The following DUSP29 variants were observed in gnomAD, a reference collection of about 807,000 sequenced individuals.
DUSP29 encodes dual specificity phosphatase 29.
In DUSP29, 12 loss-of-function variants were observed where a neutral mutation model predicts 13.5. The observed-to-expected ratio is 0.89, with a 90% CI of 0.57 to 1.44. DUSP29 has a LOEUF of 1.44. DUSP29 is among the 40% of genes most tolerant of loss of function. DUSP29 has a pLI of 0.00. For missense variants in DUSP29, 308 were observed against 301.1 expected (o/e 1.02, Z -0.17); for synonymous variants, 134 against 128.7 (o/e 1.04, Z -0.28).
chr10:75,058,648 GGAAA>G (rs1847020457), intron 1 of DUSP29, 100 bp from the exon 2 acceptor site: 3 of 1,070,830 alleles, frequency 2.8e-6, no homozygotes, highest in Non-Finnish European at 4.0e-6. Flanking sequence ...CTTAAAATTT[GGAAA>G]GAGTTTCCCC....
At chr10:75,060,689 G>A (rs1382700296) in intron 1 of DUSP29, among the ~76,000 whole-genome samples, 1 of 152,174 alleles carries the variant, frequency 6.6e-6, no homozygotes. Flanking sequence ...ACCACCTGAT[G>A]AGTTGCTGCA....
intron 2 of DUSP29, among the ~76,000 whole-genome samples, chr10:75,057,244 G>A (rs1846980913): frequency 6.6e-6 from 1 of 151,844 alleles, no homozygotes; most frequent in South Asian, 2.1e-4. Context: ...ACTCCAACCT[G>A]CACTTCAACG....
chr10:75,058,230 A>T, intron 2 of DUSP29, 85 bp downstream of exon 2: 2 of 1,478,182 alleles, frequency 1.4e-6, no homozygotes, highest in Non-Finnish European at 1.8e-6. Flanking sequence ...CAAATTCCAA[A>T]GCCCATGGCT....
intron 3 of DUSP29, among the ~76,000 whole-genome samples, chr10:75,039,645 C>G (rs1846544475): frequency 1.3e-5 from 2 of 152,190 alleles, no homozygotes; most frequent in South Asian, 4.2e-4. Context: ...CCACGCTCCG[C>G]CCCGCAGCCA....
intron 2 of DUSP29, among the ~76,000 whole-genome samples, chr10:75,058,038 A>G (rs535820452): frequency 2.0e-5 from 3 of 152,340 alleles, no homozygotes; most frequent in Admixed American, 2.0e-4. Flanking sequence ...ACAGTGGCGC[A>G]GAAACACAGG....
chr10:75,072,532 G>A (rs1160841541), intron 1 of DUSP29, among the ~76,000 whole-genome samples: 1 of 152,044 alleles, frequency 6.6e-6, no homozygotes, highest in Non-Finnish European at 1.5e-5. Flanking sequence ...CAGCTCAGAA[G>A]CCCTTCAAGT....
chr10:75,049,349 A>T (rs564315354), intron 2 of DUSP29, among the ~76,000 whole-genome samples: 2 of 152,326 alleles, frequency 1.3e-5, no homozygotes, highest in South Asian at 4.1e-4. Flanking sequence ...TGAAGAGAAG[A>T]GAGTACCCAG....
intron 3 of DUSP29, among the ~76,000 whole-genome samples, chr10:75,038,301 G>T (rs1158741470): frequency 2.0e-5 from 3 of 152,176 alleles, no homozygotes; most frequent in African/African-American, 4.8e-5. Context: ...AGCACAATTT[G>T]TTTGTGCTAA....
chr10:75,058,217 C>T, intron 2 of DUSP29, 98 bp downstream of exon 2: 1 of 1,420,782 alleles, frequency 7.0e-7, no homozygotes, highest in South Asian at 1.4e-5. Flanking sequence ...CACAGAACGA[C>T]TACAAATTCC....
rs749281095 is a variant in DUSP29, at chr10:75,058,411, G to T, written c.104C>A (p.Thr35Asn). 7.4e-6 allele frequency: 12 copies of T among 1,614,228 alleles called. No homozygotes were observed. In the South Asian group the frequency reaches 7.7e-5, roughly 10 times the overall value. Residue 35 changes from threonine to asparagine, a missense_variant, in exon 2 of 4, where the codon ACC (threonine) becomes AAC (asparagine). Coordinates refer to ENST00000338487, the MANE Select transcript of DUSP29 (RefSeq NM_001003892.3). The stretch of plus-strand genomic sequence containing the variant: ...CCGCTCCAGCTCAAAGGCTCCAGGG[G>T]TGCAGTAGTCCTCCTCCTCCCCTTC... ...EEEGEEEDYC[T>N]PGAFELERLF...
chr10:75,073,194 T>C (rs1038329446), intron 1 of DUSP29, among the ~76,000 whole-genome samples: 1 of 151,162 alleles, frequency 6.6e-6, no homozygotes, highest in East Asian at 1.9e-4. Context: ...CTCCAGGGCC[T>C]CTCTCTCTCT....
intron 2 of DUSP29, among the ~76,000 whole-genome samples, chr10:75,053,883 C>CATTTGTAAAATGGGAATAAT (rs1349180341): frequency 3.9e-5 from 6 of 152,066 alleles, no homozygotes; most frequent in African/African-American, 1.4e-4. Context: ...GTGACTTGTC[C>CATTTGTAAAATGGGAATAAT]ATTTGTAAAA....
intron 2 of DUSP29, among the ~76,000 whole-genome samples, chr10:75,053,956 C>T (rs1846900711): frequency 6.6e-6 from 1 of 152,112 alleles, no homozygotes; most frequent in Admixed American, 6.5e-5. Flanking sequence ...TAAATGATGC[C>T]TAGCACAAGG....
At chr10:75,055,882 AG>A (rs1305889028) in intron 2 of DUSP29, among the ~76,000 whole-genome samples, 1 of 152,186 alleles carries the variant, frequency 6.6e-6, no homozygotes, top group African/African-American at 2.4e-5. Flanking sequence ...GATTAATAAA[AG>A]TATACAACAG....
intron 1 of DUSP29, among the ~76,000 whole-genome samples, chr10:75,059,226 A>T (rs1847034282): frequency 6.6e-6 from 1 of 152,194 alleles, no homozygotes; most frequent in South Asian, 2.1e-4. Context: ...CAAGATAGAA[A>T]GCTGTGCCTC....
intron 2 of DUSP29, among the ~76,000 whole-genome samples, chr10:75,045,123 G>A (rs1489029550): frequency 1.3e-5 from 2 of 152,212 alleles, no homozygotes; most frequent in Non-Finnish European, 2.9e-5. Flanking sequence ...TTCGGAAGCC[G>A]AGGCAGGCAA....
At chr10:75,065,170 A>G (rs1271120680) in intron 1 of DUSP29, among the ~76,000 whole-genome samples, 4 of 152,156 alleles carry the variant, frequency 2.6e-5, no homozygotes, top group Admixed American at 6.5e-5. Flanking sequence ...TAAACAAACA[A>G]ACAAAAAAAC....
chr10:75,040,464 G>C (rs574485003), intron 3 of DUSP29, among the ~76,000 whole-genome samples: 266 of 152,280 alleles, frequency 1.7e-3, no homozygotes, highest in African/African-American at 6.2e-3. Flanking sequence ...GCCGAATCGG[G>C]GGCAGTTAAA....
chr10:75,067,315 G>A (rs1179239860), intron 1 of DUSP29, among the ~76,000 whole-genome samples: 2 of 152,182 alleles, frequency 1.3e-5, no homozygotes, highest in African/African-American at 2.4e-5. Context: ...GAAGCGGCTG[G>A]TGCAAGTGCA....
Sources: allele counts gnomAD v4.1 joint callset (sites outside exome capture counted in the v4.1 genomes callset), GRCh38; gene constraint gnomAD v4.1.1; transcripts MANE v1.5; gene names NCBI Gene and HGNC (gene_info 2026-07-23, HGNC 2026-07-21).